CHRNA5: variants seen among roughly 807,000 people sequenced by gnomAD.
CHRNA5 encodes neuronal acetylcholine receptor subunit alpha-5.
A neutral mutation model predicts 41.2 loss-of-function variants in CHRNA5; 28 were observed. The ratio of observed to expected loss-of-function variants is 0.68; its 90% confidence interval spans 0.50 to 0.93. CHRNA5 has a LOEUF of 0.93. Ranked by LOEUF, CHRNA5 falls within the 40% of genes least tolerant of loss-of-function variation. The pLI, the probability that CHRNA5 is intolerant of heterozygous loss-of-function variation, is 0.00. For missense variants in CHRNA5, 481 were observed against 581.9 expected, an observed-to-expected ratio of 0.83 and a Z score of 1.78; for synonymous variants, 188 against 205.8, an observed-to-expected ratio of 0.91 and a Z score of 0.74.
chr15:78,593,122 G>T (rs150329151), exon 6 of CHRNA5: 6 of 1,612,076 alleles, frequency 3.7e-6, no homozygotes, highest in South Asian at 1.1e-5. Flanking sequence ...CATAGCCCAG[G>T]TTCTTGATCG....
At chr15:78,585,520 A>G (rs1228699434) in intron 2 of CHRNA5, among the ~76,000 whole-genome samples, 1 of 152,192 alleles carries the variant, frequency 6.6e-6, no homozygotes, top group Non-Finnish European at 1.5e-5. Flanking sequence ...TGTCCTACAC[A>G]TAATATATTT....
intron 1 of CHRNA5, among the ~76,000 whole-genome samples, chr15:78,577,670 C>T (rs564425256): frequency 9.1e-4 from 139 of 152,262 alleles, no homozygotes; most frequent in African/African-American, 3.3e-3. Flanking sequence ...CAGTGACTCA[C>T]ACCTGTAATC....
intron 1 of CHRNA5, among the ~76,000 whole-genome samples, chr15:78,579,768 A>G (rs1234209091): frequency 1.3e-5 from 2 of 151,972 alleles, no homozygotes; most frequent in African/African-American, 4.8e-5. Context: ...CTGCCTCTCC[A>G]TGTCTCATGA....
intron 2 of CHRNA5, among the ~76,000 whole-genome samples, chr15:78,585,919 G>A: frequency 6.6e-6 from 1 of 151,066 alleles, no homozygotes. Flanking sequence ...TGAATAGCTG[G>A]GATTACATGC....
At chr15:78,574,395 A>T (rs1480045395) in intron 1 of CHRNA5, among the ~76,000 whole-genome samples, 1 of 151,624 alleles carries the variant, frequency 6.6e-6, no homozygotes, top group Admixed American at 6.6e-5. Context: ...AAAAAAAAAA[A>T]AAATCCTCAG....
intron 5 of CHRNA5, among the ~76,000 whole-genome samples, chr15:78,592,271 G>A (rs1205656405): frequency 1.3e-5 from 2 of 152,220 alleles, no homozygotes; most frequent in Non-Finnish European, 2.9e-5. Flanking sequence ...GCAGTGAGCC[G>A]AGGTCACGCC....
intron 2 of CHRNA5, among the ~76,000 whole-genome samples, chr15:78,586,406 T>C (rs2052962128): frequency 6.6e-6 from 1 of 152,176 alleles, no homozygotes; most frequent in Non-Finnish European, 1.5e-5. Flanking sequence ...TAATGTTAAA[T>C]GCAAAAATGC....
chr15:78,594,033 C>G (rs1323863979), exon 6 of CHRNA5: 1 of 152,150 alleles, frequency 6.6e-6, no homozygotes, highest in Non-Finnish European at 1.5e-5. Flanking sequence ...GAGCAAAACT[C>G]AGTCTCAAAT....
intron 4 of CHRNA5, chr15:78,589,208 A>G (rs1364381024): frequency 1.3e-5 from 2 of 152,254 alleles, no homozygotes; most frequent in Non-Finnish European, 2.9e-5. Flanking sequence ...TAGTGTGCAA[A>G]AGCCACATGA....
intron 1 of CHRNA5, among the ~76,000 whole-genome samples, chr15:78,579,329 C>A (rs2052888706): frequency 6.6e-6 from 1 of 152,206 alleles, no homozygotes; most frequent in African/African-American, 2.4e-5. Context: ...TCTCGGCTCA[C>A]TGCAACCTCT....
At position 78,588,576 on chromosome 15, in the gene CHRNA5, A is replaced by C. The variant is rs1176834113; in HGVS notation, c.413+153A>C. On this transcript the variant is annotated intron_variant, in intron 4 of 5. Coordinates refer to ENST00000299565, the Ensembl canonical transcript of CHRNA5. The surrounding 1 kb of genome is among the most constrained non-coding windows in gnomAD (Gnocchi z 4.1). ...GCCTGGGTATGATTACATGTTTTAT[A>C]GATGAGGAAACAGAGGCTTAGGGTG... is the stretch of plus-strand genomic sequence containing the variant. Among the ~76,000 whole-genome samples the C allele has an allele frequency of 1.3e-5, 2 of 152,238 alleles. No individual in the cohort carries two copies. Among genetic ancestry groups the C allele is most frequent in the Non-Finnish European group, 2.9e-5 (2 of 68,042 alleles).
chr15:78,590,165 A>G, exon 5 of CHRNA5: 1 of 1,614,052 alleles, frequency 6.2e-7, no homozygotes, highest in Non-Finnish European at 8.5e-7. Context: ...TGTTCCTTAT[A>G]ATACCCTGTA....
chr15:78,568,195 C>T (rs986094256), intron 1 of CHRNA5, among the ~76,000 whole-genome samples: 1 of 152,154 alleles, frequency 6.6e-6, no homozygotes, highest in Non-Finnish European at 1.5e-5. Flanking sequence ...AATATCTAGT[C>T]AGCCCGCAGC....
rs528485942 is a variant in CHRNA5, at chr15:78,577,276, A to T, written c.107-3535A>T. Among the ~76,000 whole-genome samples the T allele has an allele frequency of 5.3e-5, 8 of 152,304 alleles. No homozygotes were observed. The South Asian group carries it at 1.7e-3, about 32-fold the overall frequency. On this transcript the variant is annotated intron_variant, in intron 1 of 5. Coordinates refer to ENST00000299565, the Ensembl canonical transcript of CHRNA5. Reference sequence around the variant, plus strand: ...CCTGATTTGTAAAATGAGGGGATGCATTGGATTGTCTCCTTTTTAACATGC... The same window carrying T: ...CCTGATTTGTAAAATGAGGGGATGCTTTGGATTGTCTCCTTTTTAACATGC...
At chr15:78,581,381 C>T (rs181919549) in intron 2 of CHRNA5, among the ~76,000 whole-genome samples, 4 of 152,262 alleles carry the variant, frequency 2.6e-5, no homozygotes, top group Admixed American at 1.3e-4. Context: ...CTTGGGCTCA[C>T]ACTTAAAACA....
intron 1 of CHRNA5, among the ~76,000 whole-genome samples, chr15:78,566,306 C>T (rs775476460): frequency 1.9e-4 from 29 of 152,276 alleles, no homozygotes; most frequent in Non-Finnish European, 4.0e-4. Context: ...TTTCCTTTCG[C>T]CGGAGATGAA....
chr15:78,572,494 T>G (rs2052814840), intron 1 of CHRNA5, among the ~76,000 whole-genome samples: 1 of 152,146 alleles, frequency 6.6e-6, no homozygotes, highest in East Asian at 1.9e-4. Context: ...TTTATTTTAT[T>G]TTTTTTGAGA....
At chr15:78,565,756 C>T in exon 1 of CHRNA5, 3 of 1,210,732 alleles carry the variant, frequency 2.5e-6, no homozygotes, top group Non-Finnish European at 3.1e-6. Flanking sequence ...CGCGCTCCGC[C>T]TGCTGCTCTT....
chr15:78,572,796 A>G (rs1443907223), intron 1 of CHRNA5, among the ~76,000 whole-genome samples: 1 of 152,120 alleles, frequency 6.6e-6, no homozygotes, highest in Non-Finnish European at 1.5e-5. Flanking sequence ...TATAGTATTG[A>G]ATGAAAAAAA....
Sources: gnomAD v4.1 joint callset for allele counts (sites outside exome capture counted in the v4.1 genomes callset) on GRCh38, gnomAD v4.1.1 for gene constraint, Gnocchi (gnomAD v3.1) non-coding constraint, MANE v1.5 for transcripts, NCBI Gene and HGNC (gene_info 2026-07-23, HGNC 2026-07-21) for gene names.